Variants in ZNF469 observed in about 807,000 individuals in gnomAD.
The protein encoded by ZNF469 is zinc finger protein 469.
In ZNF469, 1 loss-of-function variant was observed where a neutral mutation model predicts 1.0. That is an observed-to-expected ratio of 1.00 (90% CI 0.35 to 4.73). The LOEUF is 4.73. Among genes scored for constraint, ZNF469 ranks in the 30% most tolerant of loss-of-function variants. The pLI, the probability that ZNF469 is intolerant of heterozygous loss-of-function variation, is 0.16. For synonymous variants in ZNF469, 2,703 were observed against 2,363.4 expected (o/e 1.14, Z -4.17); for missense variants, 6,100 against 5,356.3 (o/e 1.14, Z -4.33).
the ZNF469 span, among the ~76,000 whole-genome samples, chr16:88,170,248 C>T: frequency 6.6e-6 from 1 of 152,144 alleles, no homozygotes; most frequent in Admixed American, 6.5e-5. The surrounding 1 kb of genome is among the most constrained non-coding windows in gnomAD (Gnocchi z 4.2). Context: ...TACCACAATC[C>T]AGCTAATTGT....
the ZNF469 span, among the ~76,000 whole-genome samples, chr16:88,335,786 A>G: frequency 6.6e-6 from 1 of 152,180 alleles, no homozygotes; most frequent in African/African-American, 2.4e-5. Flanking sequence ...TGCCAATACC[A>G]CGCACATTCG....
chr16:88,326,646 C>T, the ZNF469 span, among the ~76,000 whole-genome samples: 7 of 152,248 alleles, frequency 4.6e-5, no homozygotes, highest in South Asian at 2.1e-4. Flanking sequence ...GAGTGCCTGA[C>T]GCAGGCACTC....
the ZNF469 span, among the ~76,000 whole-genome samples, chr16:88,199,413 C>A: frequency 0.23 from 34,919 of 152,226 alleles, 4,419 homozygotes; most frequent in Non-Finnish European, 0.3. Flanking sequence ...AATCCGCCGG[C>A]CCACATGTCC....
the ZNF469 span, among the ~76,000 whole-genome samples, chr16:88,147,680 T>C: frequency 0.2 from 30,394 of 152,140 alleles, 3,492 homozygotes; most frequent in East Asian, 0.5. Context: ...AGGGAGTCCC[T>C]GGGCAGCTGC....
At chr16:88,311,313 C>T in the ZNF469 span, among the ~76,000 whole-genome samples, 3 of 152,266 alleles carry the variant, frequency 2.0e-5, no homozygotes, top group East Asian at 5.8e-4. Context: ...AACTGCAGGT[C>T]CCCAGGCTTT....
the ZNF469 span, among the ~76,000 whole-genome samples, chr16:88,173,111 A>G: frequency 6.6e-6 from 1 of 152,378 alleles, no homozygotes; most frequent in African/African-American, 2.4e-5. Flanking sequence ...CACAGATCTA[A>G]GAAGCTTGAT....
At chr16:88,173,306 T>TG in the ZNF469 span, among the ~76,000 whole-genome samples, 8 of 152,178 alleles carry the variant, frequency 5.3e-5, no homozygotes, top group African/African-American at 1.9e-4. Flanking sequence ...CAGAAGGCCA[T>TG]GGGAAGACAT....
At chr16:88,325,218 G>A in the ZNF469 span, among the ~76,000 whole-genome samples, 10,542 of 113,268 alleles carry the variant, frequency 0.093, 414 homozygotes, top group African/African-American at 0.2. Context: ...CAGCAGCTGT[G>A]ACATACACAG....
chr16:88,113,032 C>A, the ZNF469 span, among the ~76,000 whole-genome samples: 1 of 152,078 alleles, frequency 6.6e-6, no homozygotes, highest in Admixed American at 6.6e-5. Flanking sequence ...CCCGCCTTGG[C>A]CTCCCAAAGT....
the ZNF469 span, among the ~76,000 whole-genome samples, chr16:88,120,674 G>C: frequency 5.3e-5 from 8 of 152,340 alleles, no homozygotes; most frequent in African/African-American, 1.9e-4. Flanking sequence ...TCCCGGGCGG[G>C]CCTCACTGCA....
At chr16:88,381,313 C>G (rs1355122931), upstream of ZNF469, among the ~76,000 whole-genome samples, 1 of 151,102 alleles carries the variant, frequency 6.6e-6, no homozygotes, top group Non-Finnish European at 1.5e-5. Context: ...CACTCATGCA[C>G]TCACACACAG....
chr16:88,122,556 G>A, the ZNF469 span, among the ~76,000 whole-genome samples: 1 of 150,762 alleles, frequency 6.6e-6, no homozygotes, highest in African/African-American at 2.4e-5. Flanking sequence ...CACTCAGATG[G>A]CACTCTGTCA....
chr16:88,377,019 G>A, the ZNF469 span, among the ~76,000 whole-genome samples: 2 of 152,270 alleles, frequency 1.3e-5, no homozygotes, highest in Non-Finnish European at 2.9e-5. Flanking sequence ...AGGCCCCAGC[G>A]CAGGCTGGCT....
chr16:88,297,331 G>A, the ZNF469 span, among the ~76,000 whole-genome samples: 1 of 152,222 alleles, frequency 6.6e-6, no homozygotes, highest in East Asian at 1.9e-4. Context: ...CGCCAGGGAT[G>A]AGTCAAAGAC....
chr16:88,401,974 AG>A (rs1904892270), intron 1 of ZNF469, among the ~76,000 whole-genome samples: 1 of 118,686 alleles, frequency 8.4e-6, no homozygotes, highest in Non-Finnish European at 1.8e-5. Flanking sequence ...GTGGATGGAT[AG>A]ATACGTGGGT....
chr16:88,215,383 A>ATTT, the ZNF469 span, among the ~76,000 whole-genome samples: 30,833 of 92,954 alleles, frequency 0.33, 6,074 homozygotes, highest in Non-Finnish European at 0.38. Context: ...TTGCCTTTTA[A>ATTT]TTTTTTTTTT....
At chr16:88,243,819 G>C in the ZNF469 span, among the ~76,000 whole-genome samples, 7 of 149,464 alleles carry the variant, frequency 4.7e-5, no homozygotes, top group Admixed American at 2.0e-4. Flanking sequence ...TGAATAGGTG[G>C]ATGCATTGAT....
At chr16:88,158,560 T>TC in the ZNF469 span, among the ~76,000 whole-genome samples, 142,767 of 152,214 alleles carry the variant, frequency 0.94, 67,067 homozygotes, top group African/African-American at 0.96. Flanking sequence ...ATCTCTGCTG[T>TC]CCCGGCAGCC....
chr16:88,290,500 A>C, the ZNF469 span, among the ~76,000 whole-genome samples: 1 of 152,174 alleles, frequency 6.6e-6, no homozygotes, highest in East Asian at 1.9e-4. Context: ...ACACAATTCG[A>C]GATGTTAGTC....
Sources: allele counts gnomAD v4.1 joint callset (sites outside exome capture counted in the v4.1 genomes callset), GRCh38; gene constraint gnomAD v4.1.1; non-coding constraint Gnocchi (gnomAD v3.1); transcripts MANE v1.5; gene names NCBI Gene and HGNC (gene_info 2026-07-23, HGNC 2026-07-21).